Variants in HIBCH observed in about 807,000 individuals in gnomAD.
The protein encoded by HIBCH is 3-hydroxyisobutyryl-CoA hydrolase, mitochondrial.
In HIBCH, 50 loss-of-function variants were observed where a neutral mutation model predicts 58.2. The ratio of observed to expected loss-of-function variants is 0.86; its 90% CI spans 0.68 to 1.09. The LOEUF is 1.09. Ranked by LOEUF, HIBCH falls within the 50% of genes least tolerant of loss-of-function variation. The pLI is 0.00. For synonymous variants in HIBCH, 151 were observed against 146.9 expected, an observed-to-expected ratio of 1.03 and a Z score of -0.20; for missense variants, 450 against 449.7, an observed-to-expected ratio of 1.00 and a Z score of -0.01.
chr2:190,262,607 T>G (rs925005431), intron 6 of HIBCH, among the ~76,000 whole-genome samples: 1 of 152,206 alleles, frequency 6.6e-6, no homozygotes, highest in Non-Finnish European at 1.5e-5. Context: ...TCTGGAATCT[T>G]CATTCCTTTA....
At chr2:190,284,748 T>C (rs575976788) in intron 6 of HIBCH, among the ~76,000 whole-genome samples, 1 of 152,312 alleles carries the variant, frequency 6.6e-6, no homozygotes, top group East Asian at 1.9e-4. Context: ...TACTCACAGT[T>C]AGCTTTTTTT....
chr2:190,217,462 G>A lies in HIBCH; in HGVS notation c.892-4387C>T, dbSNP rs1559015316. 6.6e-6 allele frequency among the ~76,000 whole-genome samples: 1 copy of A among 152,136 alleles called. No homozygotes were observed. Among genetic ancestry groups the A allele is most frequent in the South Asian group, 2.1e-4 (1 of 4,830 alleles). ...TCACACACTGCACTCCAGCCTGGGC[G>A]ACAGAACGAGATTCTGTCTTAAAAC... is the stretch of plus-strand genomic sequence containing the variant. On this transcript the variant is annotated intron_variant, in intron 11 of 13. Transcript: ENST00000359678. This position sits in a 1 kb window ranked among gnomAD's most constrained non-coding sequence, Gnocchi z 4.6.
chr2:190,241,499 C>G (rs1281291127), intron 11 of HIBCH, among the ~76,000 whole-genome samples: 1 of 152,176 alleles, frequency 6.6e-6, no homozygotes, highest in African/African-American at 2.4e-5. Context: ...TGAATTTGAT[C>G]ATGTCATCAT....
chr2:190,284,454 T>C (rs1687783092), intron 6 of HIBCH, among the ~76,000 whole-genome samples: 1 of 151,968 alleles, frequency 6.6e-6, no homozygotes, highest in African/African-American at 2.4e-5. Flanking sequence ...TCAGAAGGAG[T>C]CTTGAGTTAT....
chr2:190,253,190 A>T (rs1339651391), intron 7 of HIBCH, among the ~76,000 whole-genome samples: 2 of 152,058 alleles, frequency 1.3e-5, no homozygotes, highest in Non-Finnish European at 2.9e-5. Context: ...TCTCAAGTAA[A>T]AATAATAATA....
chr2:190,317,929 T>C (rs1559070280), intron 1 of HIBCH, among the ~76,000 whole-genome samples: 1 of 151,514 alleles, frequency 6.6e-6, no homozygotes, highest in Non-Finnish European at 1.5e-5. Context: ...GTTCCAGCAA[T>C]TATCCTGCCT....
intron 6 of HIBCH, among the ~76,000 whole-genome samples, chr2:190,272,774 C>G (rs2582771): frequency 0.72 from 109,486 of 151,880 alleles, 39,981 homozygotes; most frequent in Non-Finnish European, 0.75. Flanking sequence ...GCAGGGAGAC[C>G]GAAGGTAGTG....
At position 190,281,647 on chromosome 2, in the gene HIBCH, A is replaced by C. The variant is rs1687707614; in HGVS notation, c.438+5939T>G. On this transcript the variant is annotated intron_variant, in intron 6 of 13. Coordinates refer to ENST00000359678, the MANE Select transcript of HIBCH (RefSeq NM_014362.4). This position sits in a 1 kb window ranked among gnomAD's most constrained non-coding sequence, Gnocchi z 5.4. ...GTTTCCTCTCCCAAAAAGTTTTTTC[A>C]CTCTTTACATGGCCAGGCTGAGAGT... Among the ~76,000 whole-genome samples, 1 of 151,832 alleles carries C rather than the reference A, an allele frequency of 6.6e-6. No individual in the cohort carries two copies. Among genetic ancestry groups the C allele is most frequent in the African/African-American group, 2.4e-5 (1 of 41,336 alleles).
chr2:190,234,680 T>G (rs1459904287), intron 11 of HIBCH, among the ~76,000 whole-genome samples: 3 of 152,088 alleles, frequency 2.0e-5, no homozygotes, highest in African/African-American at 7.2e-5. Context: ...TGAAACCCCA[T>G]CTCTACTAAA....
intron 2 of HIBCH, 84 bp downstream of exon 2, chr2:190,310,670 T>C: frequency 9.1e-7 from 1 of 1,098,586 alleles, no homozygotes; most frequent in South Asian, 1.2e-5. Context: ...AAATCTGCCA[T>C]ACCAGTATTT....
chr2:190,316,871 T>C (rs114635403), intron 1 of HIBCH, among the ~76,000 whole-genome samples: 4,050 of 152,252 alleles, frequency 0.027, 67 homozygotes, highest in Non-Finnish European at 0.038. Flanking sequence ...ATGGAGGAGA[T>C]GGAAAAGGCA....
intron 4 of HIBCH, among the ~76,000 whole-genome samples, chr2:190,293,152 C>A (rs1316554505): frequency 2.0e-5 from 3 of 151,616 alleles, no homozygotes; most frequent in Non-Finnish European, 4.4e-5. Context: ...CGATCACAGG[C>A]CAGACGAAAG....
In HIBCH at chr2:190,243,199, G is replaced by T. The variant is rs1686502299; in HGVS notation, c.891+1688C>A. Among the ~76,000 whole-genome samples, 1 of 152,188 alleles carries T rather than the reference G, an allele frequency of 6.6e-6. No homozygotes were observed. On this transcript the variant is annotated intron_variant, in intron 11 of 13. Transcript: ENST00000359678. This position sits in a 1 kb window ranked among gnomAD's most constrained non-coding sequence, Gnocchi z 4.1. ...GGGCACAAACTAATCAGCTGCCAGA[G>T]AATATAAAGCAGGCAGAAAACCGTG...
Position 190,209,192 on chromosome 2 carries a change from C to T in HIBCH, c.1012-279G>A, listed in dbSNP as rs1233132803. Among the ~76,000 whole-genome samples, 1 of 152,184 alleles carries T rather than the reference C, an allele frequency of 6.6e-6. No individual in the cohort carries two copies. Among genetic ancestry groups the T allele is most frequent in the Non-Finnish European group, 1.5e-5 (1 of 68,034 alleles). The stretch of plus-strand genomic sequence containing the variant: ...GTGCTGGCTTCACTTTGCTCTTCAT[C>T]CAGCCCAATTTCACCAGTCCTTTAA... On this transcript the variant is annotated intron_variant, in intron 12 of 13. Coordinates refer to ENST00000359678, the MANE Select transcript of HIBCH (RefSeq NM_014362.4). This position sits in a 1 kb window ranked among gnomAD's most constrained non-coding sequence, Gnocchi z 5.6.
intron 2 of HIBCH, among the ~76,000 whole-genome samples, chr2:190,310,165 T>C (rs1485824533): frequency 6.6e-6 from 1 of 152,326 alleles, no homozygotes; most frequent in Non-Finnish European, 1.5e-5. Context: ...CTTATACCAG[T>C]GGTTTGCCAG....
intron 11 of HIBCH, chr2:190,220,472 G>A (rs4853687): frequency 0.3 from 45,209 of 151,774 alleles, 7,562 homozygotes; most frequent in East Asian, 0.47. Flanking sequence ...CCTACCTACA[G>A]TCACGGTGCT....
At position 190,221,603 on chromosome 2, in the gene HIBCH, G is replaced by A. The variant is rs75975260; in HGVS notation, c.892-8528C>T. 6.5e-3 allele frequency among the ~76,000 whole-genome samples: 997 copies of A among 152,268 alleles called. 10 individuals are homozygous for A. The highest frequency in any genetic ancestry group is 9.6e-3 in the Non-Finnish European group (653 of 68,012). On this transcript the variant is annotated intron_variant, in intron 11 of 13. Coordinates refer to ENST00000359678, the MANE Select transcript of HIBCH (RefSeq NM_014362.4). The stretch of plus-strand genomic sequence containing the variant: ...CCCAGTAAGGGCCCCACCCTCAAGC[G>A]TGAAACCACGGTCCAAAGTGAGAAC...
intron 2 of HIBCH, among the ~76,000 whole-genome samples, chr2:190,297,357 G>A (rs567512911): frequency 2.6e-5 from 4 of 152,316 alleles, no homozygotes; most frequent in South Asian, 2.1e-4. Flanking sequence ...AAACAAAGAT[G>A]ATACTTGAGT....
rs536961806 is a variant in HIBCH at position 190,286,740 on chromosome 2, A to G, written c.438+846T>C. 4.6e-5 allele frequency among the ~76,000 whole-genome samples: 7 copies of G among 152,356 alleles called. No homozygotes were observed. The East Asian group carries it at 1.3e-3, about 29-fold the overall frequency. ...TTCTCTGTAATAGCACAGAGGCAGA[A>G]TATTTGTCAACTGACAGAAATGCAG... On this transcript the variant is annotated intron_variant, in intron 6 of 13. Coordinates refer to ENST00000359678, the MANE Select transcript of HIBCH (RefSeq NM_014362.4).
Sources: allele counts gnomAD v4.1 joint callset (sites outside exome capture counted in the v4.1 genomes callset), GRCh38; gene constraint gnomAD v4.1.1; non-coding constraint Gnocchi (gnomAD v3.1); transcripts MANE v1.5; gene names NCBI Gene and HGNC (gene_info 2026-07-23, HGNC 2026-07-21).